The following LRRK2 variants were observed in gnomAD, a reference collection of about 807,000 sequenced individuals.
The protein encoded by LRRK2 is leucine-rich repeat serine/threonine-protein kinase 2.
LRRK2 carries 203 observed loss-of-function variants against 302.6 expected under a neutral mutation model. That is an observed-to-expected ratio of 0.67 (90% CI 0.60 to 0.75). The LOEUF is 0.75. LRRK2 is among the 30% of genes least tolerant of loss of function. The pLI is 0.00. For missense variants in LRRK2, 2,830 were observed against 2,951.0 expected, an observed-to-expected ratio of 0.96 and a Z score of 0.95; for synonymous variants, 1,066 against 1,031.9, an observed-to-expected ratio of 1.03 and a Z score of -0.63.
Position 40,309,150 on chromosome 12 carries a change from C to A in LRRK2, c.4234C>A (p.Arg1412=). The A allele has an allele frequency of 1.9e-6, 3 of 1,613,748 alleles. No individual in the cohort carries two copies. Among genetic ancestry groups the A allele is most frequent in the Non-Finnish European group, 2.5e-6 (3 of 1,179,852 alleles). Residue 1412 remains arginine, a synonymous_variant, in exon 30 of 51, where the codon CGA becomes AGA. Coordinates refer to ENST00000298910, the MANE Select transcript of LRRK2 (RefSeq NM_198578.4). The part of the protein sequence containing the change: ...YSTHPHFMTQ[R]ALYLAVYDLS... ...TACTCATCCCCATTTTATGACGCAG[C>A]GAGCATTGTACCTTGCTGTCTATGA...
chr12:40,315,125 T>C (rs1945173052), intron 32 of LRRK2, 87 bp from the exon 33 acceptor site: 2 of 1,081,720 alleles, frequency 1.8e-6, no homozygotes, highest in African/African-American at 1.6e-5. Context: ...ACCTGCAAAA[T>C]GAGGAAGTTG....
chr12:40,356,275 T>G, intron 46 of LRRK2, 88 bp downstream of exon 46: 1 of 887,292 alleles, frequency 1.1e-6, no homozygotes, highest in East Asian at 2.6e-5. Context: ...GATTATAAAC[T>G]CCCTGAGAGC....
chr12:40,304,232 T>G, intron 27 of LRRK2, 98 bp downstream of exon 27: 2 of 1,171,088 alleles, frequency 1.7e-6, no homozygotes, highest in Non-Finnish European at 2.5e-6. Flanking sequence ...ACCAATTTCA[T>G]GAAACTAGAA....
chr12:40,278,119 C>T lies in LRRK2; in HGVS notation c.2099C>T (p.Ala700Val). Reference sequence around the variant, plus strand: ...CTAAACCTCTGTTGCAAGTGTTTTGCAAAAGTAGCTATGGATGATTACTTA... The same window carrying T: ...CTAAACCTCTGTTGCAAGTGTTTTGTAAAAGTAGCTATGGATGATTACTTA... ...QFLNLCCKCF[A>V]KVAMDDYLKN... is the part of the protein sequence containing the mutation. Residue 700 changes from alanine (A) to valine (V), a missense_variant, in exon 18 of 51, where the codon GCA becomes GTA. Transcript: ENST00000298910. 1 of 1,614,034 alleles carries T rather than the reference C, an allele frequency of 6.2e-7. No individual in the cohort carries two copies. The highest frequency in any genetic ancestry group is 8.5e-7 in the Non-Finnish European group (1 of 1,179,990).
chr12:40,303,451 T>C (rs1246031464), intron 26 of LRRK2, among the ~76,000 whole-genome samples: 2 of 152,114 alleles, frequency 1.3e-5, no homozygotes, highest in African/African-American at 4.8e-5. Context: ...TGTAAATTTA[T>C]CTTTTCCTTT....
At chr12:40,299,793 T>A (rs1944552963) in intron 25 of LRRK2, among the ~76,000 whole-genome samples, 1 of 152,118 alleles carries the variant, frequency 6.6e-6, no homozygotes, top group Non-Finnish European at 1.5e-5. Flanking sequence ...GCCAAACTAA[T>A]GCAAATTGTT....
In LRRK2 at chr12:40,351,526, T is replaced by G; in HGVS notation, c.6382-13T>G. The G allele has an allele frequency of 1.2e-6, 2 of 1,613,658 alleles. No individual in the cohort carries two copies. The highest frequency in any genetic ancestry group is 1.7e-6 in the Non-Finnish European group (2 of 1,179,600). ...TCGATAAGTACTGTTTTGTTATCTT[T>G]AAACTTTCTCAGGTCTTTGACATTT... On this transcript the variant is annotated splice_polypyrimidine_tract_variant and intron_variant, in intron 43 of 50. Transcript: ENST00000298910.
chr12:40,291,212 A>AGGTG (rs1410135625), intron 20 of LRRK2, among the ~76,000 whole-genome samples: 1 of 150,120 alleles, frequency 6.7e-6, no homozygotes, highest in African/African-American at 2.4e-5. Context: ...TCTCACTCAT[A>AGGTG]GGTGGGAATT....
chr12:40,319,917 A>G (rs1043520085), intron 33 of LRRK2, 71 bp from the exon 34 acceptor site: 43 of 1,449,314 alleles, frequency 3.0e-5, no homozygotes, highest in African/African-American at 4.3e-5. Context: ...GCAAAGAGAC[A>G]TAAAATGCTT....
chr12:40,355,984 A>G, intron 45 of LRRK2, 131 bp from the exon 46 acceptor site: 1 of 643,248 alleles, frequency 1.6e-6, no homozygotes, highest in Non-Finnish European at 2.7e-6. Flanking sequence ...TAAATACTCT[A>G]AGAAAAGGGA....
At chr12:40,328,510 C>A in intron 39 of LRRK2, 50 bp downstream of exon 39, 1 of 1,359,706 alleles carries the variant, frequency 7.4e-7, no homozygotes, top group Non-Finnish European at 1.0e-6. Context: ...TATTAATCTA[C>A]TGGAACTCTT....
chr12:40,270,332 C>G (rs554339361), intron 14 of LRRK2, among the ~76,000 whole-genome samples: 1 of 152,192 alleles, frequency 6.6e-6, no homozygotes, highest in African/African-American at 2.4e-5. Context: ...ATTATGCTTT[C>G]TAAGTTTGTG....
At chr12:40,254,804 G>A (rs530810972) in intron 11 of LRRK2, among the ~76,000 whole-genome samples, 8 of 152,198 alleles carry the variant, frequency 5.3e-5, no homozygotes, top group East Asian at 1.9e-4. Context: ...CTTTGTTCCT[G>A]ATCACCTGTC....
intron 19 of LRRK2, among the ~76,000 whole-genome samples, chr12:40,284,704 A>G (rs780860289): frequency 2.6e-5 from 4 of 151,962 alleles, no homozygotes; most frequent in Non-Finnish European, 5.9e-5. Context: ...CACTATTTTT[A>G]TCTTTTGAGC....
intron 40 of LRRK2, among the ~76,000 whole-genome samples, chr12:40,339,064 T>A (rs905143782): frequency 1.3e-5 from 2 of 152,192 alleles, no homozygotes; most frequent in Non-Finnish European, 2.9e-5. Context: ...GCTGTATTAG[T>A]TGATGCAGTT....
intron 38 of LRRK2, among the ~76,000 whole-genome samples, chr12:40,325,676 G>A (rs150939831): frequency 2.0e-5 from 3 of 152,140 alleles, no homozygotes; most frequent in East Asian, 1.9e-4. Context: ...TACAGGTAGC[G>A]ACTCCAGCAT....
At chr12:40,327,708 T>A (rs1340788694) in intron 38 of LRRK2, among the ~76,000 whole-genome samples, 1 of 151,934 alleles carries the variant, frequency 6.6e-6, no homozygotes, top group Non-Finnish European at 1.5e-5. Context: ...AGTAAGGAAC[T>A]CAGAAGGCCT....
intron 38 of LRRK2, among the ~76,000 whole-genome samples, chr12:40,326,965 T>C (rs1346440096): frequency 1.3e-5 from 2 of 152,216 alleles, no homozygotes; most frequent in Non-Finnish European, 2.9e-5. Context: ...TATATGCTCA[T>C]TATAGACATA....
intron 14 of LRRK2, among the ~76,000 whole-genome samples, chr12:40,265,708 A>G (rs1410065280): frequency 1.3e-5 from 2 of 152,170 alleles, no homozygotes; most frequent in African/African-American, 4.8e-5. Flanking sequence ...AGGACAAGGA[A>G]AATCAAAATG....
Sources: allele counts gnomAD v4.1 joint callset (sites outside exome capture counted in the v4.1 genomes callset), GRCh38; gene constraint gnomAD v4.1.1; transcripts MANE v1.5; gene names NCBI Gene and HGNC (gene_info 2026-07-23, HGNC 2026-07-21).